The following GLI2 variants were observed in gnomAD, a reference collection of about 807,000 sequenced individuals.
The protein encoded by GLI2 is transcription activator GLI2.
GLI2 carries 22 observed loss-of-function variants against 78.9 expected under a neutral mutation model. That is an observed-to-expected ratio of 0.28 (90% CI 0.20 to 0.40). GLI2 has a LOEUF of 0.40. GLI2 is among the 10% of genes least tolerant of loss of function. GLI2 has a pLI of 1.00. For synonymous variants in GLI2, 974 were observed against 963.7 expected (o/e 1.01, Z -0.20); for missense variants, 2,097 against 2,213.2 (o/e 0.95, Z 1.05).
chr2:120,802,289 C>T (rs558765382), intron 2 of GLI2, among the ~76,000 whole-genome samples: 101 of 152,264 alleles, frequency 6.6e-4, no homozygotes, highest in Admixed American at 1.8e-3. Context: ...TGGGCTGGAC[C>T]GAGCTGGACC....
chr2:120,989,366 C>G lies in GLI2; in HGVS notation c.3401C>G (p.Ser1134Cys), dbSNP rs367560592. The change falls in exon 14 of 14, where the codon TCC (serine) becomes TGC (cysteine). Residue 1134 changes from serine (S) to cysteine (C), a missense_variant. Transcript: ENST00000361492. ...NMPVQWNEVSSGTVDALASQV... is the reference protein window; with the variant it reads ...NMPVQWNEVSCGTVDALASQV... ...CCTGTGCAGTGGAATGAGGTGAGCT[C>G]CGGCACCGTAGACGCCCTGGCCAGC... 3.7e-6 allele frequency: 6 copies of G among 1,613,004 alleles called. No homozygotes were observed. The African/African-American group carries it at 6.7e-5, about 18-fold the overall frequency.
intron 1 of GLI2, among the ~76,000 whole-genome samples, chr2:120,787,858 C>G (rs529982054): frequency 5.3e-5 from 8 of 152,118 alleles, no homozygotes; most frequent in Non-Finnish European, 1.0e-4. Context: ...AATTTAGAAC[C>G]GAGTGGAACA....
intron 1 of GLI2, among the ~76,000 whole-genome samples, chr2:120,736,826 C>G (rs916768219): frequency 9.9e-5 from 15 of 151,716 alleles, no homozygotes; most frequent in African/African-American, 2.4e-4. Flanking sequence ...CTTCCTCCCC[C>G]TCGCCCGGCC....
intron 2 of GLI2, among the ~76,000 whole-genome samples, chr2:120,904,893 A>C (rs1011014017): frequency 6.6e-5 from 10 of 152,210 alleles, no homozygotes; most frequent in African/African-American, 2.4e-4. Context: ...AGCAGAGAGA[A>C]GGGAGGGAGT....
At position 120,955,231 on chromosome 2, in the gene GLI2, C is replaced by G. The variant is rs767969473; in HGVS notation, c.458-14C>G. 3.2e-6 allele frequency: 5 copies of G among 1,554,368 alleles called. No homozygotes were observed. Among genetic ancestry groups the G allele is most frequent in the Non-Finnish European group, 4.4e-6 (5 of 1,126,990 alleles). ...CAGGTTCTGACGGCTTCTTTCTCTC[C>G]CCTCTGCCCACAGTGGCCCAGGAGC... is the stretch of plus-strand genomic sequence containing the variant. On this transcript the variant is annotated splice_polypyrimidine_tract_variant and intron_variant, in intron 4 of 13. Coordinates refer to ENST00000361492, the MANE Select transcript of GLI2 (RefSeq NM_001374353.1).
At chr2:120,882,549 C>A (rs1677205089) in intron 2 of GLI2, among the ~76,000 whole-genome samples, 1 of 152,376 alleles carries the variant, frequency 6.6e-6, no homozygotes, top group African/African-American at 2.4e-5. Flanking sequence ...TTGGCTGCAA[C>A]GCGAAGCCGA....
chr2:120,974,963 C>T lies in GLI2; in HGVS notation c.1183-12C>T. 3 of 1,614,234 alleles carry T rather than the reference C, an allele frequency of 1.9e-6. No homozygotes were observed. In the South Asian group the frequency reaches 3.3e-5, roughly 18 times the overall value. On this transcript the variant is annotated splice_polypyrimidine_tract_variant and intron_variant, in intron 8 of 13. Coordinates refer to ENST00000361492, the MANE Select transcript of GLI2 (RefSeq NM_001374353.1). ...ACACGGCTCATGTGGGTGTGCCCTT[C>T]CCCTCTCCCAGGAGCAGCTGGCTGA...
At chr2:120,937,956 C>T (rs923448321) in intron 3 of GLI2, among the ~76,000 whole-genome samples, 10 of 152,322 alleles carry the variant, frequency 6.6e-5, no homozygotes, top group African/African-American at 2.4e-4. Flanking sequence ...AAATCTCTCC[C>T]ACTAACGAAG....
intron 1 of GLI2, among the ~76,000 whole-genome samples, chr2:120,777,052 A>G (rs958782767): frequency 6.6e-6 from 1 of 152,184 alleles, no homozygotes; most frequent in Non-Finnish European, 1.5e-5. Flanking sequence ...AGCTGTGTGC[A>G]CGCGTGTGTG....
Position 120,797,487 on chromosome 2 carries a change from A to G in GLI2, c.148+19A>G, listed in dbSNP as rs750440477. 2.5e-6 allele frequency: 4 copies of G among 1,610,736 alleles called. No individual in the cohort carries two copies. In the East Asian group the frequency reaches 6.7e-5, roughly 27 times the overall value. ...CAAGGAGGTACTTTCTGTTTCGCAC[A>G]CTTGGAGGGCAGCAGGGGTGTTTTT... On this transcript the variant is annotated intron_variant, in intron 2 of 13. Coordinates refer to ENST00000361492, the MANE Select transcript of GLI2 (RefSeq NM_001374353.1).
intron 2 of GLI2, among the ~76,000 whole-genome samples, chr2:120,821,574 G>A (rs374937852): frequency 1.2e-4 from 18 of 152,274 alleles, no homozygotes; most frequent in African/African-American, 4.1e-4. Flanking sequence ...TGGGCCCTGG[G>A]GAGGGGACCT....
At chr2:120,758,514 G>A (rs1377822278) in intron 1 of GLI2, among the ~76,000 whole-genome samples, 2 of 152,214 alleles carry the variant, frequency 1.3e-5, no homozygotes, top group African/African-American at 4.8e-5. Flanking sequence ...TGGGGCCTAG[G>A]CACAGATGTT....
chr2:120,790,969 T>C (rs1320235283), intron 1 of GLI2, among the ~76,000 whole-genome samples: 4 of 151,988 alleles, frequency 2.6e-5, no homozygotes, highest in African/African-American at 9.7e-5. Context: ...TTACGGGCCA[T>C]GCTGGGAAGG....
At chr2:120,963,806 T>G (rs1471878625) in intron 5 of GLI2, among the ~76,000 whole-genome samples, 1 of 152,258 alleles carries the variant, frequency 6.6e-6, no homozygotes, top group Non-Finnish European at 1.5e-5. Flanking sequence ...TTCTGTAAAA[T>G]GAGCATAACA....
intron 3 of GLI2, among the ~76,000 whole-genome samples, chr2:120,943,619 C>T (rs936364431): frequency 3.9e-5 from 6 of 152,234 alleles, no homozygotes; most frequent in African/African-American, 1.4e-4. Context: ...TGGCCATGCC[C>T]CTGGTGCTTT....
chr2:120,757,590 G>A (rs1348070923), intron 1 of GLI2, among the ~76,000 whole-genome samples: 6 of 152,218 alleles, frequency 3.9e-5, no homozygotes, highest in Non-Finnish European at 8.8e-5. Flanking sequence ...AACAGTATGT[G>A]CTGATTCTAT....
At chr2:120,941,195 C>G (rs539319272) in intron 3 of GLI2, among the ~76,000 whole-genome samples, 8 of 152,194 alleles carry the variant, frequency 5.3e-5, no homozygotes, top group African/African-American at 1.9e-4. Context: ...ACATGGACTG[C>G]GCTTCAGTTT....
chr2:120,941,847 G>A (rs1278470455), intron 3 of GLI2, among the ~76,000 whole-genome samples: 1 of 152,238 alleles, frequency 6.6e-6, no homozygotes, highest in African/African-American at 2.4e-5. Context: ...GCATGCTGGG[G>A]CTGTGTGCTG....
At chr2:120,751,644 C>T (rs2104633042) in intron 1 of GLI2, among the ~76,000 whole-genome samples, 1 of 151,982 alleles carries the variant, frequency 6.6e-6, no homozygotes, top group Admixed American at 6.6e-5. Flanking sequence ...GACTCCAGGC[C>T]CACGTTGGTG....
Sources: allele counts gnomAD v4.1 joint callset (sites outside exome capture counted in the v4.1 genomes callset), GRCh38; gene constraint gnomAD v4.1.1; transcripts MANE v1.5; gene names NCBI Gene and HGNC (gene_info 2026-07-23, HGNC 2026-07-21).